Variants in ENG observed in about 807,000 individuals in gnomAD.
ENG encodes endoglin, also known as CD105 antigen.
In ENG, 17 loss-of-function variants were observed where a neutral mutation model predicts 71.0. That is an observed-to-expected ratio of 0.24 (90% CI 0.16 to 0.36). The LOEUF (loss-of-function observed/expected upper bound fraction) is 0.36, where lower values mean the gene tolerates loss of function less well. ENG is among the 10% of genes least tolerant of loss of function. ENG has a pLI of 1.00. For synonymous variants in ENG, 360 were observed against 366.9 expected, an observed-to-expected ratio of 0.98 and a Z score of 0.21; for missense variants, 749 against 868.3, an observed-to-expected ratio of 0.86 and a Z score of 1.73.
chr9:127,847,031 G>T, intron 1 of ENG: 1 of 822,510 alleles, frequency 1.2e-6, no homozygotes. Context: ...GTCACCTTGA[G>T]CAGAAGCCTA....
chr9:127,843,759 T>TATA (rs1831106294), intron 1 of ENG, among the ~76,000 whole-genome samples: 1 of 5,754 alleles, frequency 1.7e-4, no homozygotes, highest in Non-Finnish European at 3.4e-4. Context: ...ATATATATTT[T>TATA]TTTTTTTTTT....
intron 13 of ENG, chr9:127,816,529 C>G: frequency 7.5e-6 from 2 of 268,244 alleles, no homozygotes; most frequent in Admixed American, 9.4e-5. Flanking sequence ...TCCTGTGTGG[C>G]TATGGGCCAA....
chr9:127,851,340 C>T (rs1831280898), intron 1 of ENG, among the ~76,000 whole-genome samples: 1 of 152,010 alleles, frequency 6.6e-6, no homozygotes, highest in Non-Finnish European at 1.5e-5. Context: ...CTGCCTCAGC[C>T]TCCCAAGTAG....
rs375427398 is a variant in ENG, at chr9:127,824,346, G to A, written c.1092C>T (p.Ala364=). ...LLMSLIQTKC[A]DDAMTLVLKK... is the part of the protein sequence containing the mutation. ...TTAGTACCAGGGTCATGGCGTCGTCGGCACACTTTGTCTGGATCAAGGACA... is the reference window on the plus strand; with the variant it reads ...TTAGTACCAGGGTCATGGCGTCGTCAGCACACTTTGTCTGGATCAAGGACA... Residue 364 remains alanine (A), a synonymous_variant, in exon 8 of 15, where the codon GCC becomes GCT. Coordinates refer to ENST00000373203, the MANE Select transcript of ENG (RefSeq NM_001114753.3). 8.1e-6 allele frequency: 13 copies of A among 1,613,808 alleles called. No homozygotes were observed. The highest frequency in any genetic ancestry group is 2.7e-5 in the African/African-American group (2 of 74,826).
chr9:127,816,030 G>A lies in ENG; in HGVS notation c.1765C>T (p.Leu589=). 1 of 1,610,582 alleles carries A rather than the reference G, an allele frequency of 6.2e-7. No individual in the cohort carries two copies. The highest frequency in any genetic ancestry group is 8.5e-7 in the Non-Finnish European group (1 of 1,179,138). The stretch of plus-strand genomic sequence containing the variant: ...AAGGTGATGCCCAGCACGGCGGGCA[G>A]GACGAGGCCTTTGCTTGTGCAACCT... ...LSGCTSKGLV[L]PAVLGITFGA... The change falls in exon 14 of 15, where the codon CTG becomes TTG. Residue 589 remains leucine, a synonymous_variant. Coordinates refer to ENST00000373203, the MANE Select transcript of ENG (RefSeq NM_001114753.3).
intron 12 of ENG, chr9:127,817,772 T>G: frequency 6.9e-6 from 3 of 433,522 alleles, no homozygotes; most frequent in East Asian, 4.6e-5. Flanking sequence ...TCCTGTTCTT[T>G]GAGATTACAC....
In ENG at chr9:127,818,968, C is replaced by A. The variant is rs571996476; in HGVS notation, c.1312-136G>T. On this transcript the variant is annotated intron_variant, in intron 10 of 14. Coordinates refer to ENST00000373203, the MANE Select transcript of ENG (RefSeq NM_001114753.3). Reference sequence around the variant, plus strand: ...TTTTTTTTTTTTTGAGACGGAGTCTCGCTCTGTCGCCCAGGCTGGAGTGCA... The same window carrying A: ...TTTTTTTTTTTTTGAGACGGAGTCTAGCTCTGTCGCCCAGGCTGGAGTGCA... 8 of 752,626 alleles carry A rather than the reference C, an allele frequency of 1.1e-5. No individual in the cohort carries two copies. In the East Asian group the frequency reaches 1.4e-4, roughly 13 times the overall value. The allele number at this position is 752,626 out of a possible 1,614,324, so 46.6% of individuals were successfully genotyped here. A position where few individuals can be genotyped will look rare whatever the true frequency, so the allele number is the denominator to read the frequency against.
chr9:127,833,603 A>G (rs1830822741), intron 2 of ENG, among the ~76,000 whole-genome samples: 1 of 151,958 alleles, frequency 6.6e-6, no homozygotes. Context: ...AGACAAATGT[A>G]ATTTGCTGAA....
Position 127,826,685 on chromosome 9 carries a change from G to T in ENG, c.361-13C>A. 6.2e-7 allele frequency: 1 copy of T among 1,613,138 alleles called. No homozygotes were observed. The highest frequency in any genetic ancestry group is 8.5e-7 in the Non-Finnish European group (1 of 1,179,966). ...CCAGGCTGGAATTCTGGGGAGACAT[G>T]TGGAGGCTCAGCACGCTGTTCCTGG... On this transcript the variant is annotated splice_polypyrimidine_tract_variant and intron_variant, in intron 3 of 14. Transcript: ENST00000373203.
chr9:127,821,681 G>C (rs1184803236), intron 8 of ENG, among the ~76,000 whole-genome samples: 1 of 151,458 alleles, frequency 6.6e-6, no homozygotes, highest in African/African-American at 2.4e-5. Flanking sequence ...TTCGAGACCA[G>C]CCTGACCAAC....
intron 13 of ENG, chr9:127,816,749 G>A (rs1830328340): frequency 3.2e-6 from 1 of 313,744 alleles, no homozygotes; most frequent in African/African-American, 2.1e-5. Flanking sequence ...AACTGATGGA[G>A]AGGCTAGAGG....
chr9:127,828,482 CCGAGGCCAGA>C (rs1189014596), intron 3 of ENG, among the ~76,000 whole-genome samples: 1 of 152,212 alleles, frequency 6.6e-6, no homozygotes, highest in African/African-American at 2.4e-5. Context: ...GGCGGCGCGG[CCGAGGCCAGA>C]GCCGGCGGCT....
rs1588571778 is a variant in ENG, at chr9:127,815,611, T to G, written c.*71A>C. ...TCGAGTGGAGGACTGGCTCCCAGGG[T>G]GAGTTCACACCAGTGCTCCCAGCTG... On this transcript the variant is annotated 3_prime_UTR_variant, in exon 15 of 15. Coordinates refer to ENST00000373203, the MANE Select transcript of ENG (RefSeq NM_001114753.3). 1 of 1,520,996 alleles carries G rather than the reference T, an allele frequency of 6.6e-7. No homozygotes were observed. The highest frequency in any genetic ancestry group is 1.2e-5 in the South Asian group (1 of 82,258). The allele number at this position is 1,520,996 out of a possible 1,614,324, so 94.2% of individuals were successfully genotyped here. A position where few individuals can be genotyped will look rare whatever the true frequency, so the allele number is the denominator to read the frequency against.
intron 2 of ENG, among the ~76,000 whole-genome samples, chr9:127,831,909 C>G (rs1238729115): frequency 6.7e-6 from 1 of 149,600 alleles, no homozygotes; most frequent in Non-Finnish European, 1.5e-5. Flanking sequence ...GCCAGGCTGG[C>G]TTTTCTTTGT....
At chr9:127,831,744 C>T (rs1279913728) in intron 2 of ENG, among the ~76,000 whole-genome samples, 3 of 146,086 alleles carry the variant, frequency 2.1e-5, no homozygotes, top group Non-Finnish European at 4.5e-5. Context: ...CAGGCTGGAA[C>T]CCAGTGGCAC....
intron 1 of ENG, among the ~76,000 whole-genome samples, chr9:127,853,846 A>G (rs552559516): frequency 1.8e-4 from 28 of 152,210 alleles, no homozygotes; most frequent in Non-Finnish European, 3.7e-4. Flanking sequence ...GCAGTCCCCC[A>G]GGATCACACC....
chr9:127,837,044 T>C (rs1200824729), intron 2 of ENG, among the ~76,000 whole-genome samples: 4 of 152,120 alleles, frequency 2.6e-5, no homozygotes, highest in African/African-American at 9.7e-5. Flanking sequence ...CACTTCGGCC[T>C]CCCAAAGTGC....
At chr9:127,825,172 T>C (rs1171575092) in intron 6 of ENG, 59 bp downstream of exon 6, 1 of 1,612,642 alleles carries the variant, frequency 6.2e-7, no homozygotes, top group Non-Finnish European at 8.5e-7. Flanking sequence ...CCAGGAAACT[T>C]CCCTGATCCA....
chr9:127,840,691 G>T (rs542574127), intron 2 of ENG, among the ~76,000 whole-genome samples: 1 of 152,262 alleles, frequency 6.6e-6, no homozygotes, highest in East Asian at 1.9e-4. Context: ...GCTGGCCAGG[G>T]ACAGATCCAG....
Sources: gnomAD v4.1 joint callset for allele counts (sites outside exome capture counted in the v4.1 genomes callset) on GRCh38, gnomAD v4.1.1 for gene constraint, MANE v1.5 for transcripts, NCBI Gene and HGNC (gene_info 2026-07-23, HGNC 2026-07-21) for gene names.